PCDHGB2: variants seen among roughly 807,000 people sequenced by gnomAD.
PCDHGB2 encodes the protein protocadherin gamma subfamily B, 2.
PCDHGB2 carries 55 observed loss-of-function variants against 59.3 expected under a neutral mutation model. The ratio of observed to expected loss-of-function variants is 0.93; its 90% CI spans 0.75 to 1.16. PCDHGB2 has a LOEUF of 1.16. Among genes scored for constraint, PCDHGB2 ranks in the 50% most tolerant of loss-of-function variants. PCDHGB2 has a pLI of 0.00. For missense variants in PCDHGB2, 1,228 were observed against 1,198.5 expected (o/e 1.02, Z -0.36); for synonymous variants, 516 against 512.0 (o/e 1.01, Z -0.11).
intron 1 of PCDHGB2, among the ~76,000 whole-genome samples, chr5:141,461,390 C>T (rs1220034894): frequency 2.0e-5 from 3 of 152,080 alleles, no homozygotes; most frequent in East Asian, 3.9e-4. Context: ...TGATGATTAG[C>T]GATGTTGAGC....
chr5:141,384,293 A>G, intron 1 of PCDHGB2: 1 of 1,613,660 alleles, frequency 6.2e-7, no homozygotes, highest in Non-Finnish European at 8.5e-7. Flanking sequence ...GCTGAGAACA[A>G]CCCCAGAGGG....
In PCDHGB2 at chr5:141,432,782, C is replaced by A. The variant is rs547164205; in HGVS notation, c.2422-62025C>A. 6.2e-7 allele frequency: 1 copy of A among 1,614,164 alleles called. No homozygotes were observed. Among genetic ancestry groups the A allele is most frequent in the African/African-American group, 1.3e-5 (1 of 75,052 alleles). ...CAGCATCCCCCAAGTCCTGGCGGAC[C>A]TCGGCAGCCTCGAGTCTCCAGCTAA... On this transcript the variant is annotated intron_variant, in intron 1 of 3. Coordinates refer to ENST00000522605, the MANE Select transcript of PCDHGB2 (RefSeq NM_018923.3). This position sits in a 1 kb window ranked among gnomAD's most constrained non-coding sequence, Gnocchi z 6.0.
intron 1 of PCDHGB2, among the ~76,000 whole-genome samples, chr5:141,373,441 T>C (rs1232465888): frequency 2.0e-5 from 3 of 152,218 alleles, no homozygotes; most frequent in African/African-American, 7.2e-5. Flanking sequence ...GAGGATCCCT[T>C]GATCCCAGGA....
intron 1 of PCDHGB2, chr5:141,484,903 G>A: frequency 2.5e-6 from 1 of 407,434 alleles, no homozygotes; most frequent in Non-Finnish European, 4.4e-6. Context: ...CTCCAATGCT[G>A]CGACGCATTA....
At chr5:141,450,742 C>A (rs2098692216) in intron 1 of PCDHGB2, among the ~76,000 whole-genome samples, 1 of 152,118 alleles carries the variant, frequency 6.6e-6, no homozygotes, top group South Asian at 2.1e-4. Context: ...CCGCCTTGGC[C>A]TCCCAAAGTG....
At chr5:141,372,619 C>T in intron 1 of PCDHGB2, 1 of 1,613,968 alleles carries the variant, frequency 6.2e-7, no homozygotes, top group African/African-American at 1.3e-5. Flanking sequence ...GTTCTCCCCA[C>T]CTACAGCGAA....
rs138831045 is a variant in PCDHGB2 at position 141,462,238 on chromosome 5, G to A, written c.2422-32569G>A. Among the ~76,000 whole-genome samples the A allele has an allele frequency of 2.9e-3, 441 of 152,288 alleles. 3 individuals carry two copies. Among genetic ancestry groups the A allele is most frequent in the African/African-American group, 9.9e-3 (412 of 41,566 alleles). On this transcript the variant is annotated intron_variant, in intron 1 of 3. Coordinates refer to ENST00000522605, the MANE Select transcript of PCDHGB2 (RefSeq NM_018923.3). ...GCCTCCCAAAGTGCAGGGATTACAG[G>A]TATGAGCCACCATGACCAGCCTAAA...
At position 141,489,515 on chromosome 5, in the gene PCDHGB2, G is replaced by T; in HGVS notation, c.2422-5292G>T. ...CTGGCAGTGAATCAAAAGATTGACC[G>T]AGAAAGCCTATGTGGAGCCAGCACC... On this transcript the variant is annotated intron_variant, in intron 1 of 3. Coordinates refer to ENST00000522605, the MANE Select transcript of PCDHGB2 (RefSeq NM_018923.3). This position sits in a 1 kb window ranked among gnomAD's most constrained non-coding sequence, Gnocchi z 4.5. 4.3e-6 allele frequency: 7 copies of T among 1,614,104 alleles called. No individual in the cohort carries two copies. Among genetic ancestry groups the T allele is most frequent in the Non-Finnish European group, 5.9e-6 (7 of 1,180,034 alleles).
At position 141,487,769 on chromosome 5, in the gene PCDHGB2, T is replaced by C. The variant is rs775270506; in HGVS notation, c.2422-7038T>C. Reference sequence around the variant, plus strand: ...TAACTATGTGGTAGACGCTGTGCTTTGTAACTGTTTCGTGAATTAACCAGA... The same window carrying C: ...TAACTATGTGGTAGACGCTGTGCTTCGTAACTGTTTCGTGAATTAACCAGA... On this transcript the variant is annotated intron_variant, in intron 1 of 3. Transcript: ENST00000522605. The surrounding 1 kb of genome is among the most constrained non-coding windows in gnomAD (Gnocchi z 5.0). 8 of 1,538,288 alleles carry C rather than the reference T, an allele frequency of 5.2e-6. No homozygotes were observed. The highest frequency in any genetic ancestry group is 1.2e-5 in the South Asian group (1 of 82,608).
chr5:141,404,358 C>T (rs746085915), intron 1 of PCDHGB2: 19 of 1,613,846 alleles, frequency 1.2e-5, no homozygotes, highest in Non-Finnish European at 1.6e-5. Context: ...GCCAGAGGTA[C>T]TTCCATCTTC....
At chr5:141,382,657 C>T (rs1385150684) in intron 1 of PCDHGB2, 5 of 416,908 alleles carry the variant, frequency 1.2e-5, no homozygotes, top group Non-Finnish European at 2.1e-5. Flanking sequence ...AGTAAGGACT[C>T]ACAGCGCCGC....
In PCDHGB2 at chr5:141,477,031, A is replaced by C; in HGVS notation, c.2422-17776A>C. Reference sequence around the variant, plus strand: ...TAGACCTTGTAACCGGGATGCTGACAATCAAGGGTCGGCTGGACTTCGAGG... The same window carrying C: ...TAGACCTTGTAACCGGGATGCTGACCATCAAGGGTCGGCTGGACTTCGAGG... On this transcript the variant is annotated intron_variant, in intron 1 of 3. Coordinates refer to ENST00000522605, the MANE Select transcript of PCDHGB2 (RefSeq NM_018923.3). This position sits in a 1 kb window ranked among gnomAD's most constrained non-coding sequence, Gnocchi z 4.9. The C allele has an allele frequency of 6.2e-7, 1 of 1,614,248 alleles. No individual in the cohort carries two copies. Among genetic ancestry groups the C allele is most frequent in the Non-Finnish European group, 8.5e-7 (1 of 1,180,040 alleles).
rs1253223100 is a variant in PCDHGB2 at position 141,493,049 on chromosome 5, T to C, written c.2422-1758T>C. Among the ~76,000 whole-genome samples the C allele has an allele frequency of 6.6e-6, 1 of 152,188 alleles. No homozygotes were observed. Among genetic ancestry groups the C allele is most frequent in the Non-Finnish European group, 1.5e-5 (1 of 68,032 alleles). Reference sequence around the variant, plus strand: ...GCCCTTATGTGTGAGGAAACTACAATAGTAAAAAACACAAGTTTCTCCAAC... The same window carrying C: ...GCCCTTATGTGTGAGGAAACTACAACAGTAAAAAACACAAGTTTCTCCAAC... On this transcript the variant is annotated intron_variant, in intron 1 of 3. Transcript: ENST00000522605. This position sits in a 1 kb window ranked among gnomAD's most constrained non-coding sequence, Gnocchi z 4.3.
intron 1 of PCDHGB2, chr5:141,378,924 G>T (rs1426450881): frequency 6.6e-6 from 1 of 152,202 alleles, no homozygotes; most frequent in Non-Finnish European, 1.5e-5. Flanking sequence ...TCAAAAGTAA[G>T]TTGATGGCCC....
At chr5:141,389,652 G>C in intron 1 of PCDHGB2, 1 of 1,612,638 alleles carries the variant, frequency 6.2e-7, no homozygotes, top group South Asian at 1.1e-5. Context: ...GACCAAGGTA[G>C]TGGCGGTGGA....
rs1299979776 is a variant in PCDHGB2 at position 141,512,453 on chromosome 5, G to GC, written c.*1282dup. On this transcript the variant is annotated 3_prime_UTR_variant, in exon 4 of 4. Transcript: ENST00000522605. ...TCCTGAAGCCTCAGTCCTTCACCTT[G>GC]CCAGGTGCCGTTTCTCTTCCGTGAA... The GC allele has an allele frequency of 6.5e-6, 1 of 152,880 alleles. No homozygotes were observed. The allele number at this position is 152,880 out of a possible 1,614,324, so 9.5% of individuals were successfully genotyped here.
intron 1 of PCDHGB2, chr5:141,375,694 C>T (rs2150065576): frequency 1.2e-6 from 2 of 1,614,232 alleles, no homozygotes; most frequent in African/African-American, 2.7e-5. Context: ...CCAGCGACAG[C>T]GGGGACCCGC....
chr5:141,371,930 G>A (rs755224038), intron 1 of PCDHGB2: 5 of 1,613,242 alleles, frequency 3.1e-6, no homozygotes, highest in Non-Finnish European at 3.4e-6. Context: ...CGCGGAGCGG[G>A]GTGGTGTTCG....
intron 1 of PCDHGB2, chr5:141,396,327 A>C (rs1370175057): frequency 6.6e-6 from 1 of 152,430 alleles, no homozygotes; most frequent in Non-Finnish European, 1.5e-5. Flanking sequence ...CTCTAAAAAA[A>C]CTATTATTAG....
Sources: allele counts gnomAD v4.1 joint callset (sites outside exome capture counted in the v4.1 genomes callset), GRCh38; gene constraint gnomAD v4.1.1; non-coding constraint Gnocchi (gnomAD v3.1); transcripts MANE v1.5; gene names NCBI Gene and HGNC (gene_info 2026-07-23, HGNC 2026-07-21).